The following CACNA2D3 variants were observed in gnomAD, a reference collection of about 807,000 sequenced individuals.
CACNA2D3 encodes the protein voltage-dependent calcium channel subunit alpha-2/delta-3.
Under a neutral mutation model 160.6 loss-of-function variants are expected in CACNA2D3, and 60 were observed. That is an observed-to-expected ratio of 0.37 (90% CI 0.30 to 0.46). The LOEUF (loss-of-function observed/expected upper bound fraction) is 0.46. Among genes scored for constraint, CACNA2D3 ranks in the 20% least tolerant of loss-of-function variants. The pLI is 1.00. For synonymous variants in CACNA2D3, 558 were observed against 492.9 expected, an observed-to-expected ratio of 1.13 and a Z score of -1.75; for missense variants, 1,205 against 1,365.0, an observed-to-expected ratio of 0.88 and a Z score of 1.85.
chr3:54,193,292 A>G (rs75909361), intron 2 of CACNA2D3, among the ~76,000 whole-genome samples: 7,974 of 152,230 alleles, frequency 0.052, 206 homozygotes, highest in Admixed American at 0.091. Flanking sequence ...ACCCAGCAGC[A>G]GAGTCATGCT....
At chr3:54,790,744 T>G (rs950434481) in intron 13 of CACNA2D3, among the ~76,000 whole-genome samples, 1 of 152,158 alleles carries the variant, frequency 6.6e-6, no homozygotes, top group Non-Finnish European at 1.5e-5. Context: ...CTGATCATGC[T>G]TGAGCCTGAG....
chr3:54,125,058 CT>C (rs1699561401), intron 2 of CACNA2D3, among the ~76,000 whole-genome samples: 1 of 152,128 alleles, frequency 6.6e-6, no homozygotes, highest in South Asian at 2.1e-4. Flanking sequence ...TTTTCTTATG[CT>C]TTTAAAGAAG....
intron 2 of CACNA2D3, among the ~76,000 whole-genome samples, chr3:54,294,033 C>T (rs560286823): frequency 5.9e-5 from 9 of 152,228 alleles, no homozygotes; most frequent in Admixed American, 2.0e-4. Context: ...GTTTTGAAAA[C>T]TTGTTTACAT....
intron 8 of CACNA2D3, among the ~76,000 whole-genome samples, chr3:54,572,127 C>G (rs942357312): frequency 7.6e-6 from 1 of 131,116 alleles, no homozygotes; most frequent in African/African-American, 2.5e-5. Flanking sequence ...GCCTGGGCCT[C>G]TAAGTGACAT....
At chr3:55,017,279 C>T (rs888659521) in intron 34 of CACNA2D3, among the ~76,000 whole-genome samples, 10 of 152,106 alleles carry the variant, frequency 6.6e-5, no homozygotes, top group African/African-American at 1.2e-4. Flanking sequence ...AGTGAGGATT[C>T]GCTAGAAGTA....
intron 12 of CACNA2D3, among the ~76,000 whole-genome samples, chr3:54,755,299 T>C (rs1201059637): frequency 2.0e-5 from 3 of 152,046 alleles, no homozygotes; most frequent in Non-Finnish European, 4.4e-5. Context: ...AATAAATGCT[T>C]CTGTGGGGGG....
At chr3:54,917,924 C>T (rs892624522) in intron 27 of CACNA2D3, among the ~76,000 whole-genome samples, 1 of 151,134 alleles carries the variant, frequency 6.6e-6, no homozygotes, top group African/African-American at 2.4e-5. Context: ...TCCCAACCAA[C>T]AGCTTCCACT....
intron 35 of CACNA2D3, among the ~76,000 whole-genome samples, chr3:55,042,775 G>A (rs1943231408): frequency 6.6e-6 from 1 of 152,038 alleles, no homozygotes; most frequent in African/African-American, 2.4e-5. Flanking sequence ...GTGCACTGGA[G>A]GTCAGTCTAT....
intron 9 of CACNA2D3, among the ~76,000 whole-genome samples, chr3:54,606,612 A>G (rs937656638): frequency 3.9e-5 from 6 of 152,132 alleles, no homozygotes; most frequent in Non-Finnish European, 1.5e-5. Context: ...GAGGAAGACT[A>G]GGAGACGCCA....
At chr3:54,341,507 G>A (rs1383477300) in intron 3 of CACNA2D3, among the ~76,000 whole-genome samples, 1 of 152,200 alleles carries the variant, frequency 6.6e-6, no homozygotes, top group Non-Finnish European at 1.5e-5. Flanking sequence ...ACCTGAAGGG[G>A]TCAGGAAGGT....
chr3:55,073,901 T>C (rs755175058), intron 37 of CACNA2D3, 42 bp downstream of exon 37: 5 of 1,511,874 alleles, frequency 3.3e-6, no homozygotes, highest in Non-Finnish European at 3.7e-6. Flanking sequence ...CCCATCAGAA[T>C]CACCACGAGA....
rs529152687 is a variant in CACNA2D3, at chr3:54,744,472, GA to G, written c.1168-8126del. ...TTTGCGGGGAGGAAGTCAGAGGTAG[GA>G]GAAGGTTTATAGCCACTGCCAAGTT... On this transcript the variant is annotated intron_variant, in intron 11 of 37. Transcript: ENST00000474759. Among the ~76,000 whole-genome samples, 407 of 152,284 alleles carry G rather than the reference GA, an allele frequency of 2.7e-3. 2 individuals are homozygous for G. The highest frequency in any genetic ancestry group is 9.3e-3 in the African/African-American group (386 of 41,564).
rs551496580 is a variant in CACNA2D3 at position 54,247,302 on chromosome 3, C to T, written c.205-73140C>T. 1.4e-4 allele frequency among the ~76,000 whole-genome samples: 15 copies of T among 110,026 alleles called. No homozygotes were observed. The East Asian group carries it at 1.5e-3, about 11-fold the overall frequency. 72.2% of individuals were successfully genotyped at this position (110,026 alleles called of 152,430 possible). On this transcript the variant is annotated intron_variant, in intron 2 of 37. Coordinates refer to ENST00000474759, the MANE Select transcript of CACNA2D3 (RefSeq NM_018398.3). ...GCACTTCAGCCTGGGCAACAGAGCA[C>T]GACTCCATCTCAAACAAACAAACAA...
rs368820195 is a variant in CACNA2D3 at position 54,273,038 on chromosome 3, G to A, written c.205-47404G>A. On this transcript the variant is annotated intron_variant, in intron 2 of 37. Transcript: ENST00000474759. ...TGAGGACAGCCGGCCACTCTTCCTG[G>A]TGAGCAGATTGTCACTCGGCTCCAG... 6 of 152,332 alleles carry A rather than the reference G, an allele frequency of 3.9e-5. No homozygotes were observed. The East Asian group carries it at 7.7e-4, about 20-fold the overall frequency. The allele number at this position is 152,332 out of a possible 1,614,324, so 9.4% of individuals were successfully genotyped here. A position where few individuals can be genotyped will look rare whatever the true frequency, so the allele number is the denominator to read the frequency against.
chr3:54,378,971 G>A (rs1699055611), intron 3 of CACNA2D3, among the ~76,000 whole-genome samples: 1 of 152,178 alleles, frequency 6.6e-6, no homozygotes, highest in African/African-American at 2.4e-5. Context: ...GGTATCTCTT[G>A]TGGAAACAAA....
At chr3:55,019,427 C>CT in intron 35 of CACNA2D3, among the ~76,000 whole-genome samples, 1 of 152,070 alleles carries the variant, frequency 6.6e-6, no homozygotes, top group East Asian at 1.9e-4. Context: ...TTATAATAAA[C>CT]TAAGTATATG....
At chr3:54,648,576 C>T (rs1699698133) in intron 11 of CACNA2D3, among the ~76,000 whole-genome samples, 1 of 152,194 alleles carries the variant, frequency 6.6e-6, no homozygotes, top group Non-Finnish European at 1.5e-5. Flanking sequence ...GACGGTTTTT[C>T]CCTATTTTTC....
intron 35 of CACNA2D3, among the ~76,000 whole-genome samples, chr3:55,041,120 G>A (rs1703950755): frequency 6.6e-6 from 1 of 152,026 alleles, no homozygotes. Flanking sequence ...CCCTCATTCT[G>A]TTTCAAAGCT....
intron 2 of CACNA2D3, among the ~76,000 whole-genome samples, chr3:54,294,881 G>T (rs1703304836): frequency 6.6e-6 from 1 of 152,146 alleles, no homozygotes; most frequent in African/African-American, 2.4e-5. Context: ...GAAGTCAGGG[G>T]TTTGAAATGT....
Sources: allele counts gnomAD v4.1 joint callset (sites outside exome capture counted in the v4.1 genomes callset), GRCh38; gene constraint gnomAD v4.1.1; transcripts MANE v1.5; gene names NCBI Gene and HGNC (gene_info 2026-07-23, HGNC 2026-07-21).